Variants in SYT1 observed in about 807,000 individuals in gnomAD.
SYT1 encodes the protein synaptotagmin 1.
Under a neutral mutation model 44.8 loss-of-function variants are expected in SYT1, and 8 were observed. The ratio of observed to expected loss-of-function variants is 0.18; its 90% CI spans 0.10 to 0.32. SYT1 has a LOEUF of 0.32. Ranked by LOEUF, SYT1 falls within the 10% of genes least tolerant of loss-of-function variation. The pLI, the probability that SYT1 is intolerant of heterozygous loss-of-function variation, is 1.00. For synonymous variants in SYT1, 154 were observed against 188.8 expected (o/e 0.82, Z 1.51); for missense variants, 286 against 509.3 (o/e 0.56, Z 4.22).
At chr12:78,878,673 T>A (rs1231607503) in intron 1 of SYT1, among the ~76,000 whole-genome samples, 4 of 151,720 alleles carry the variant, frequency 2.6e-5, no homozygotes, top group African/African-American at 9.7e-5. Context: ...AAGGAAGTAA[T>A]GATTCATTCA....
chr12:79,191,689 G>A (rs78538089), intron 3 of SYT1, among the ~76,000 whole-genome samples: 7,303 of 152,114 alleles, frequency 0.048, 347 homozygotes, highest in East Asian at 0.12. Flanking sequence ...AAAATGCATG[G>A]TTAGTTGTTT....
chr12:78,872,730 G>T (rs1360093898), intron 1 of SYT1, among the ~76,000 whole-genome samples: 1 of 151,604 alleles, frequency 6.6e-6, no homozygotes, highest in East Asian at 1.9e-4. Context: ...ATCTTCACCA[G>T]CTGAATTAAT....
At chr12:78,925,663 ATAT>A (rs1877263939) in intron 1 of SYT1, among the ~76,000 whole-genome samples, 1 of 151,944 alleles carries the variant, frequency 6.6e-6, no homozygotes, top group South Asian at 2.1e-4. Flanking sequence ...AGAGTAAATA[ATAT>A]TATAAATGTT....
chr12:78,950,521 A>G (rs901187441), intron 1 of SYT1, among the ~76,000 whole-genome samples: 1 of 152,062 alleles, frequency 6.6e-6, no homozygotes, highest in African/African-American at 2.4e-5. Context: ...AAATCAAAAC[A>G]TTTGTTTGTA....
intron 9 of SYT1, among the ~76,000 whole-genome samples, chr12:79,421,546 A>G (rs1869118036): frequency 6.6e-6 from 1 of 152,060 alleles, no homozygotes; most frequent in African/African-American, 2.4e-5. Context: ...ACAAGACCCA[A>G]TTATATGTCA....
intron 1 of SYT1, among the ~76,000 whole-genome samples, chr12:78,909,503 C>T (rs2137121758): frequency 6.6e-6 from 1 of 151,952 alleles, no homozygotes; most frequent in Non-Finnish European, 1.5e-5. Context: ...AATCCAGGGA[C>T]ATGTATACCC....
intron 3 of SYT1, among the ~76,000 whole-genome samples, chr12:79,201,768 A>G (rs1298069793): frequency 6.6e-6 from 1 of 152,186 alleles, no homozygotes; most frequent in African/African-American, 2.4e-5. Context: ...CTTTGCAGTA[A>G]GGTAGAAATG....
At chr12:79,265,140 A>G (rs1207930869) in intron 4 of SYT1, among the ~76,000 whole-genome samples, 1 of 151,944 alleles carries the variant, frequency 6.6e-6, no homozygotes, top group African/African-American at 2.4e-5. Context: ...GCATTTTTAA[A>G]CTCTTCTTAG....
At chr12:78,969,460 A>G (rs1047327063) in intron 1 of SYT1, among the ~76,000 whole-genome samples, 1 of 152,198 alleles carries the variant, frequency 6.6e-6, no homozygotes, top group Non-Finnish European at 1.5e-5. Context: ...GGGTAAAAAC[A>G]TATCTTGGTT....
chr12:79,066,449 T>G (rs1875860558), intron 3 of SYT1, among the ~76,000 whole-genome samples: 1 of 150,948 alleles, frequency 6.6e-6, no homozygotes, highest in African/African-American at 2.4e-5. Context: ...ATGCCTCTGA[T>G]TAACATTAAG....
At chr12:79,122,406 C>T (rs987251582) in intron 3 of SYT1, among the ~76,000 whole-genome samples, 12 of 143,166 alleles carry the variant, frequency 8.4e-5, no homozygotes, top group African/African-American at 2.6e-4. Context: ...CCCAGCTACT[C>T]GGGAGGCTGA....
Position 79,069,670 on chromosome 12 carries a change from C to T in SYT1, c.-18+22308C>T, listed in dbSNP as rs532352638. Among the ~76,000 whole-genome samples, 943 of 152,046 alleles carry T rather than the reference C, an allele frequency of 6.2e-3. 4 individuals carry two copies. The highest frequency in any genetic ancestry group is 0.01 in the Middle Eastern group (3 of 292). ...GACTTGACATTGATAGAAAAATACT[C>T]GTGTGTTTACAAATGAACACATAAT... On this transcript the variant is annotated intron_variant, in intron 3 of 10. Transcript: ENST00000261205.
chr12:79,341,565 G>C (rs2139049323), intron 8 of SYT1, among the ~76,000 whole-genome samples: 1 of 151,706 alleles, frequency 6.6e-6, no homozygotes, highest in Non-Finnish European at 1.5e-5. Flanking sequence ...ATGTAGTCTA[G>C]CTGTGTTCTC....
chr12:78,956,188 T>C (rs1273295097), intron 1 of SYT1, among the ~76,000 whole-genome samples: 1 of 151,924 alleles, frequency 6.6e-6, no homozygotes, highest in Non-Finnish European at 1.5e-5. Flanking sequence ...GAATGACTGG[T>C]ATGGGGGGGC....
chr12:79,055,147 T>C (rs1246875864), intron 3 of SYT1, among the ~76,000 whole-genome samples: 1 of 151,960 alleles, frequency 6.6e-6, no homozygotes, highest in Non-Finnish European at 1.5e-5. Flanking sequence ...TTCAAATGAG[T>C]CAAATATAGG....
At chr12:79,339,190 G>A (rs1592980079) in intron 8 of SYT1, among the ~76,000 whole-genome samples, 3 of 152,288 alleles carry the variant, frequency 2.0e-5, no homozygotes, top group Admixed American at 6.5e-5. Flanking sequence ...ACCCAGTAAT[G>A]GGATGGCTGG....
Position 79,089,562 on chromosome 12 carries a change from A to G in SYT1, c.-18+42200A>G, listed in dbSNP as rs191050027. On this transcript the variant is annotated intron_variant, in intron 3 of 10. Coordinates refer to ENST00000261205, the MANE Select transcript of SYT1 (RefSeq NM_005639.3). ...CCAAACAAGGACACAAATTGAAATA[A>G]CAGGCTCCATTGGTTCAAATTCAAA... Among the ~76,000 whole-genome samples, 47 of 152,012 alleles carry G rather than the reference A, an allele frequency of 3.1e-4. 2 individuals are homozygous for G. The East Asian group carries it at 5.0e-3, about 16-fold the overall frequency.
chr12:79,163,741 A>G (rs1466596577), intron 3 of SYT1, among the ~76,000 whole-genome samples: 1 of 152,066 alleles, frequency 6.6e-6, no homozygotes, highest in East Asian at 1.9e-4. Flanking sequence ...TCACCAATGA[A>G]TACCCTGTGT....
intron 4 of SYT1, among the ~76,000 whole-genome samples, chr12:79,280,683 C>G (rs1283757101): frequency 6.6e-6 from 1 of 151,744 alleles, no homozygotes; most frequent in Non-Finnish European, 1.5e-5. Context: ...AACTTCTGTA[C>G]AGCTAAATAA....
Sources: allele counts gnomAD v4.1 joint callset (sites outside exome capture counted in the v4.1 genomes callset), GRCh38; gene constraint gnomAD v4.1.1; transcripts MANE v1.5; gene names NCBI Gene and HGNC (gene_info 2026-07-23, HGNC 2026-07-21).